CTNNA3: variants seen among roughly 807,000 people sequenced by gnomAD.
CTNNA3 encodes the protein catenin alpha 3.
CTNNA3 carries 76 observed loss-of-function variants against 95.7 expected under a neutral mutation model. That is an observed-to-expected ratio of 0.79 (90% confidence interval 0.66 to 0.96). The LOEUF is 0.96. CTNNA3 is among the 40% of genes least tolerant of loss of function. The pLI is 0.00. For missense variants in CTNNA3, 1,191 were observed against 1,089.8 expected, an observed-to-expected ratio of 1.09 and a Z score of -1.31; for synonymous variants, 431 against 374.4, an observed-to-expected ratio of 1.15 and a Z score of -1.74.
intron 7 of CTNNA3, among the ~76,000 whole-genome samples, chr10:66,906,589 A>T (rs1845995285): frequency 6.6e-6 from 1 of 152,116 alleles, no homozygotes; most frequent in South Asian, 2.1e-4. Context: ...ATCTACAATT[A>T]ATTTTTCGAT....
intron 11 of CTNNA3, among the ~76,000 whole-genome samples, chr10:66,467,906 C>T (rs1384606546): frequency 6.6e-6 from 1 of 151,930 alleles, no homozygotes; most frequent in African/African-American, 2.4e-5. Context: ...AATTATTAGT[C>T]TCTGTTAATG....
intron 9 of CTNNA3, among the ~76,000 whole-genome samples, chr10:66,677,683 C>T (rs1442000236): frequency 6.6e-6 from 1 of 152,098 alleles, no homozygotes; most frequent in Non-Finnish European, 1.5e-5. Flanking sequence ...GTAAGATGTG[C>T]TTTTGCTTCT....
At chr10:67,586,779 T>C (rs761693235) in intron 3 of CTNNA3, among the ~76,000 whole-genome samples, 5 of 152,164 alleles carry the variant, frequency 3.3e-5, no homozygotes, top group Non-Finnish European at 7.3e-5. Flanking sequence ...AGGTAGTCCA[T>C]TTATGTTCAA....
At position 66,757,443 on chromosome 10, in the gene CTNNA3, G is replaced by C. The variant is rs189024936; in HGVS notation, c.1281+8821C>G. 6.4e-4 allele frequency among the ~76,000 whole-genome samples: 97 copies of C among 152,214 alleles called. 1 individual carries two copies. The highest frequency in any genetic ancestry group is 2.2e-3 in the African/African-American group (93 of 41,532). Reference sequence around the variant, plus strand: ...AATGGTTCCAATCAACTTACAAATGGACTACTTGTACTTTCTCATTAGAAG... The same window carrying C: ...AATGGTTCCAATCAACTTACAAATGCACTACTTGTACTTTCTCATTAGAAG... On this transcript the variant is annotated intron_variant, in intron 9 of 17. Coordinates refer to ENST00000433211, the MANE Select transcript of CTNNA3 (RefSeq NM_013266.4).
chr10:66,814,184 G>C (rs779017369), intron 7 of CTNNA3, among the ~76,000 whole-genome samples: 4 of 151,384 alleles, frequency 2.6e-5, no homozygotes, highest in Non-Finnish European at 4.4e-5. Context: ...AAACGTCAGA[G>C]GCAGTAATAA....
intron 7 of CTNNA3, among the ~76,000 whole-genome samples, chr10:67,126,405 T>C (rs1252439395): frequency 6.6e-6 from 1 of 151,030 alleles, no homozygotes; most frequent in Non-Finnish European, 1.5e-5. Flanking sequence ...CGCGTGCCTG[T>C]AATCCCAGCT....
At chr10:67,762,629 G>C (rs552196021) in intron 1 of CTNNA3, among the ~76,000 whole-genome samples, 6 of 152,058 alleles carry the variant, frequency 3.9e-5, no homozygotes, top group Non-Finnish European at 7.4e-5. Flanking sequence ...GTTATCTCAG[G>C]GTATAGGTAA....
At chr10:67,174,839 T>C (rs1862164981) in intron 7 of CTNNA3, among the ~76,000 whole-genome samples, 1 of 152,152 alleles carries the variant, frequency 6.6e-6, no homozygotes, top group African/African-American at 2.4e-5. Flanking sequence ...CCTTGGTTGA[T>C]ATCTCTGTTT....
At chr10:66,575,594 T>C (rs1240881914) in intron 10 of CTNNA3, among the ~76,000 whole-genome samples, 4 of 152,096 alleles carry the variant, frequency 2.6e-5, no homozygotes, top group Non-Finnish European at 5.9e-5. Flanking sequence ...AGAGGTAAAA[T>C]AACTTGCCCC....
intron 7 of CTNNA3, among the ~76,000 whole-genome samples, chr10:66,845,418 T>C (rs1843208828): frequency 6.6e-6 from 1 of 152,124 alleles, no homozygotes; most frequent in Non-Finnish European, 1.5e-5. Flanking sequence ...AAATGTGATA[T>C]ATAGGCTGGG....
intron 9 of CTNNA3, among the ~76,000 whole-genome samples, chr10:66,755,293 T>G (rs796787290): frequency 5.3e-5 from 8 of 152,236 alleles, no homozygotes; most frequent in African/African-American, 1.9e-4. Context: ...GAAAGTAGAT[T>G]AATAGTTTGA....
intron 7 of CTNNA3, among the ~76,000 whole-genome samples, chr10:66,912,700 T>C (rs1846272632): frequency 6.6e-6 from 1 of 152,114 alleles, no homozygotes; most frequent in Non-Finnish European, 1.5e-5. Context: ...CTAGCATTTT[T>C]GGAGGCTGCT....
At chr10:67,412,785 A>G (rs1277750310) in intron 5 of CTNNA3, among the ~76,000 whole-genome samples, 2 of 152,140 alleles carry the variant, frequency 1.3e-5, no homozygotes, top group Non-Finnish European at 2.9e-5. Context: ...GAGAAATAAG[A>G]GGCTTCTCTG....
At chr10:67,400,797 T>C (rs1395654162) in intron 5 of CTNNA3, among the ~76,000 whole-genome samples, 1 of 152,216 alleles carries the variant, frequency 6.6e-6, no homozygotes, top group Non-Finnish European at 1.5e-5. Context: ...GTAATTTTAT[T>C]GGACTTTGCT....
At chr10:66,149,041 GT>G (rs1564701044) in intron 13 of CTNNA3, among the ~76,000 whole-genome samples, 1 of 150,402 alleles carries the variant, frequency 6.6e-6, no homozygotes, top group East Asian at 1.9e-4. Context: ...ATTTAACTAC[GT>G]AGTTAACAAT....
chr10:67,745,327 C>T (rs1841368218), intron 1 of CTNNA3, among the ~76,000 whole-genome samples: 1 of 151,928 alleles, frequency 6.6e-6, no homozygotes, highest in African/African-American at 2.4e-5. Flanking sequence ...TACCATGCAG[C>T]CATAAAAAAT....
chr10:66,642,255 TACAC>T (rs745693900), intron 9 of CTNNA3, among the ~76,000 whole-genome samples: 83 of 114,766 alleles, frequency 7.2e-4, no homozygotes, highest in African/African-American at 3.4e-3. Flanking sequence ...TTCTTTAAAA[TACAC>T]ACACACACAC....
At chr10:66,432,950 C>T (rs1472360803) in intron 11 of CTNNA3, among the ~76,000 whole-genome samples, 1 of 152,148 alleles carries the variant, frequency 6.6e-6, no homozygotes, top group East Asian at 1.9e-4. Flanking sequence ...TTTCCAGCTT[C>T]ATCCATGTCC....
intron 11 of CTNNA3, among the ~76,000 whole-genome samples, chr10:66,505,728 C>T (rs1840426840): frequency 6.6e-6 from 1 of 151,954 alleles, no homozygotes; most frequent in Non-Finnish European, 1.5e-5. Flanking sequence ...CGAGGGAACA[C>T]CTGTTTTATA....
Sources: allele counts gnomAD v4.1 joint callset (sites outside exome capture counted in the v4.1 genomes callset), GRCh38; gene constraint gnomAD v4.1.1; transcripts MANE v1.5; gene names NCBI Gene and HGNC (gene_info 2026-07-23, HGNC 2026-07-21).